NID2: variants seen among roughly 807,000 people sequenced by gnomAD.
NID2 encodes the protein nidogen 2.
A neutral mutation model predicts 145.4 loss-of-function variants in NID2; 83 were observed. The ratio of observed to expected loss-of-function variants is 0.57; its 90% CI spans 0.48 to 0.69. The LOEUF (loss-of-function observed/expected upper bound fraction) is 0.69, where lower values mean the gene tolerates loss of function less well. NID2 is among the 30% of genes least tolerant of loss of function. NID2 has a pLI of 0.00. For synonymous variants in NID2, 739 were observed against 701.3 expected, an observed-to-expected ratio of 1.05 and a Z score of -0.85; for missense variants, 1,807 against 1,765.7, an observed-to-expected ratio of 1.02 and a Z score of -0.42.
intron 13 of NID2, 42 bp downstream of exon 13, chr14:52,020,017 G>C: frequency 6.2e-7 from 1 of 1,609,620 alleles, no homozygotes; most frequent in Non-Finnish European, 8.5e-7. Flanking sequence ...CCTTGAAGGA[G>C]CTAAGAGATT....
rs1464652270 is a variant in NID2 at position 52,005,395 on chromosome 14, T to C, written c.*91A>G. 1 of 1,318,014 alleles carries C rather than the reference T, an allele frequency of 7.6e-7. No individual in the cohort carries two copies. Among genetic ancestry groups the C allele is most frequent in the African/African-American group, 1.5e-5 (1 of 67,928 alleles). The allele number at this position is 1,318,014 out of a possible 1,614,324, so 81.6% of individuals were successfully genotyped here. The stretch of plus-strand genomic sequence containing the variant: ...TGCTCAGGAACGTCTAATGGCCAAT[T>C]CCTTTTTTACTTTCTTTGCCTTTGC... On this transcript the variant is annotated 3_prime_UTR_variant, in exon 22 of 22. Coordinates refer to ENST00000216286, the MANE Select transcript of NID2 (RefSeq NM_007361.4).
At position 52,059,437 on chromosome 14, in the gene NID2, C is replaced by G. The variant is rs1021592652; in HGVS notation, c.767+687G>C. ...CGAATAAAAGCGAGGGCACCCCTAC[C>G]TCCCCTCACACACCCCCCAAAAAAC... On this transcript the variant is annotated intron_variant, in intron 3 of 21. Transcript: ENST00000216286. Among the ~76,000 whole-genome samples the G allele has an allele frequency of 2.6e-5, 4 of 152,166 alleles. 1 individual carries two copies. Among genetic ancestry groups the G allele is most frequent in the African/African-American group, 9.7e-5 (4 of 41,434 alleles).
chr14:52,009,420 G>A (rs1227419012), intron 18 of NID2: 2 of 152,216 alleles, frequency 1.3e-5, no homozygotes, highest in African/African-American at 4.8e-5. Flanking sequence ...AAATATGCAG[G>A]AAGGCTTGAC....
chr14:52,028,627 G>A, intron 11 of NID2, 95 bp downstream of exon 11: 2 of 1,362,310 alleles, frequency 1.5e-6, no homozygotes, highest in Admixed American at 2.3e-5. Context: ...ATATAGCAGA[G>A]CCTCTGAATA....
chr14:52,013,723 C>G (rs1275106648), intron 16 of NID2, among the ~76,000 whole-genome samples: 2 of 152,132 alleles, frequency 1.3e-5, no homozygotes, highest in Non-Finnish European at 2.9e-5. Context: ...GCTCCATCCA[C>G]TCCTCTCCCA....
chr14:52,008,230 A>T (rs567225898), intron 18 of NID2: 2 of 331,554 alleles, frequency 6.0e-6, no homozygotes, highest in African/African-American at 4.3e-5. Context: ...GGGAAGCTGG[A>T]TGCCATGTTG....
Position 52,068,012 on chromosome 14 carries a change from T to C in NID2, c.380A>G (p.Asp127Gly), listed in dbSNP as rs770006126. 1 of 1,612,344 alleles carries C rather than the reference T, an allele frequency of 6.2e-7. No individual in the cohort carries two copies. The highest frequency in any genetic ancestry group is 1.1e-5 in the South Asian group (1 of 90,996). The change falls in exon 2 of 22, where the codon GAC becomes GGC. Residue 127 changes from aspartate (D) to glycine (G), a missense_variant. Physicochemically the swap from Asp to Gly is moderately conservative, Grantham distance 94 (BLOSUM62 -1). Coordinates refer to ENST00000216286, the MANE Select transcript of NID2 (RefSeq NM_007361.4). The part of the protein sequence containing the change: ...HGRGRVLYRE[D>G]TSPAVLGLAA... The stretch of plus-strand genomic sequence containing the variant: ...CAGGCCCAGCACTGCGGGGGAGGTG[T>C]CCTCTCGGTACAGGACTCGGCCTCT...
chr14:52,060,255 T>C lies in NID2; in HGVS notation c.636A>G (p.Lys212=). 6.2e-7 allele frequency: 1 copy of C among 1,613,718 alleles called. No individual in the cohort carries two copies. Among genetic ancestry groups the C allele is most frequent in the South Asian group, 1.1e-5 (1 of 91,052 alleles). The change falls in exon 3 of 22, where the codon AAA becomes AAG. Residue 212 remains lysine, a synonymous_variant. Transcript: ENST00000216286. ...NGLQFLGTRP[K]ESYNVQLQLP... ...GCTGAAGCTGGACATTGTAAGACTCTTTGGGGCGGGTTCCAAGGAACTGCA... is the reference window on the plus strand; with the variant it reads ...GCTGAAGCTGGACATTGTAAGACTCCTTGGGGCGGGTTCCAAGGAACTGCA...
At chr14:52,040,520 C>T in intron 8 of NID2, 131 bp downstream of exon 8, 2 of 753,290 alleles carry the variant, frequency 2.7e-6, no homozygotes, top group Non-Finnish European at 4.6e-6. Flanking sequence ...AGAGTAATAA[C>T]ATAATAGAGC....
intron 9 of NID2, among the ~76,000 whole-genome samples, chr14:52,035,161 T>C (rs1480157695): frequency 6.6e-6 from 1 of 152,190 alleles, no homozygotes; most frequent in Non-Finnish European, 1.5e-5. Context: ...TCACTCTTGG[T>C]GTTGGACAGT....
intron 9 of NID2, among the ~76,000 whole-genome samples, chr14:52,037,896 T>G (rs763885187): frequency 6.6e-6 from 1 of 152,246 alleles, no homozygotes; most frequent in Non-Finnish European, 1.5e-5. Flanking sequence ...TGAAACAATT[T>G]CTTAATCTTT....
chr14:52,030,415 A>G (rs139885720), intron 9 of NID2, among the ~76,000 whole-genome samples: 173 of 151,644 alleles, frequency 1.1e-3, no homozygotes, highest in African/African-American at 4.0e-3. Flanking sequence ...AGGTAGGAGG[A>G]TAGTTTGAAG....
chr14:52,042,122 T>A lies in NID2; in HGVS notation c.1808A>T (p.Asn603Ile). The change falls in exon 7 of 22, where the codon AAC (asparagine) becomes ATC (isoleucine). Residue 603 changes from asparagine (N) to isoleucine (I), a missense_variant. Physicochemically the swap from Asn to Ile is moderately radical, Grantham distance 149. Transcript: ENST00000216286. ...CTACTCACCTGCGAGGCTGAAGCCGTTCTCAGAGCCAGGTTTTTCTAAAGC... is the reference window on the plus strand; with the variant it reads ...CTACTCACCTGCGAGGCTGAAGCCGATCTCAGAGCCAGGTTTTTCTAAAGC... ...LFALEKPGSE[N>I]GFSLAGAAFT... is the part of the protein sequence containing the mutation. The A allele has an allele frequency of 6.2e-7, 1 of 1,601,936 alleles. No homozygotes were observed. Among genetic ancestry groups the A allele is most frequent in the Non-Finnish European group, 8.5e-7 (1 of 1,172,372 alleles).
intron 14 of NID2, among the ~76,000 whole-genome samples, chr14:52,017,364 C>T (rs529485515): frequency 2.0e-5 from 3 of 152,246 alleles, no homozygotes; most frequent in South Asian, 2.1e-4. Flanking sequence ...GGGCACAGAG[C>T]GTCCTTACCC....
At chr14:52,030,572 G>T (rs1221976391) in intron 9 of NID2, among the ~76,000 whole-genome samples, 1 of 73,486 alleles carries the variant, frequency 1.4e-5, no homozygotes, top group Admixed American at 1.7e-4. Context: ...AAGAAAGGAA[G>T]GAAGGGAAAG....
chr14:52,026,844 G>T (rs10148284), intron 12 of NID2, among the ~76,000 whole-genome samples: 12,868 of 152,280 alleles, frequency 0.085, 608 homozygotes, highest in Middle Eastern at 0.15. Flanking sequence ...ACTTAAAGCA[G>T]AAGAGCACAA....
At chr14:52,018,154 T>C (rs1196669223) in intron 14 of NID2, among the ~76,000 whole-genome samples, 1 of 152,226 alleles carries the variant, frequency 6.6e-6, no homozygotes, top group Non-Finnish European at 1.5e-5. Flanking sequence ...AAACTATTGG[T>C]AATTCTCCAG....
Position 52,067,930 on chromosome 14 carries a change from G to A in NID2, c.462C>T (p.His154=), listed in dbSNP as rs772235348. ...FPRSARFTPT[H]AFLATWEQVG... is the part of the protein sequence containing the mutation. ...CCTGCTCCCAGGTGGCCAGGAAGGC[G>A]TGGGTGGGGGTAAAGCGCGCAGAGC... The change falls in exon 2 of 22, where the codon CAC becomes CAT. Residue 154 remains histidine, a synonymous_variant. Coordinates refer to ENST00000216286, the MANE Select transcript of NID2 (RefSeq NM_007361.4). The A allele has an allele frequency of 1.7e-5, 27 of 1,612,298 alleles. No individual in the cohort carries two copies. Among genetic ancestry groups the A allele is most frequent in the Non-Finnish European group, 1.9e-5 (23 of 1,179,604 alleles).
chr14:52,040,300 G>A (rs1892231395), intron 8 of NID2, among the ~76,000 whole-genome samples: 1 of 151,682 alleles, frequency 6.6e-6, no homozygotes, highest in Non-Finnish European at 1.5e-5. Context: ...AAACAAGGTT[G>A]AGATAAATAT....
Sources: allele counts gnomAD v4.1 joint callset (sites outside exome capture counted in the v4.1 genomes callset), GRCh38; gene constraint gnomAD v4.1.1; transcripts MANE v1.5; gene names NCBI Gene and HGNC (gene_info 2026-07-23, HGNC 2026-07-21).